Variants in SELENOF observed in about 807,000 individuals in gnomAD.
The protein encoded by SELENOF is 15 kDa selenoprotein.
SELENOF carries 16 observed loss-of-function variants against 20.5 expected under a neutral mutation model. The observed-to-expected ratio is 0.78, with a 90% confidence interval of 0.53 to 1.19. SELENOF has a LOEUF of 1.19. Among genes scored for constraint, SELENOF ranks in the 50% most tolerant of loss-of-function variants. SELENOF has a pLI of 0.00. For synonymous variants in SELENOF, 78 were observed against 74.5 expected (o/e 1.05, Z -0.24); for missense variants, 215 against 194.2 (o/e 1.11, Z -0.64).
chr1:86,869,087 TAA>T (rs1443957219), intron 3 of SELENOF, among the ~76,000 whole-genome samples: 1 of 152,134 alleles, frequency 6.6e-6, no homozygotes, highest in Admixed American at 6.5e-5. Context: ...CAAAGAATAC[TAA>T]AGGTTAGAGA....
intron 3 of SELENOF, 119 bp downstream of exon 3, chr1:86,880,543 T>C (rs1414756397): frequency 3.6e-6 from 2 of 551,172 alleles, no homozygotes; most frequent in African/African-American, 2.0e-5. Flanking sequence ...AAAAAGCATA[T>C]ATTGTTAAGA....
At chr1:86,913,918 G>A (rs2102141928) in intron 1 of SELENOF, 110 bp downstream of exon 1, 5 of 1,007,278 alleles carry the variant, frequency 5.0e-6, no homozygotes, top group Non-Finnish European at 6.2e-6. Flanking sequence ...CAGTCATTAA[G>A]GAAGCGCAGT....
intron 4 of SELENOF, among the ~76,000 whole-genome samples, chr1:86,867,499 A>ACAG (rs1658633181): frequency 6.6e-6 from 1 of 151,166 alleles, no homozygotes; most frequent in African/African-American, 2.4e-5. Context: ...CTCAACAACA[A>ACAG]CAACAACAAC....
chr1:86,873,327 C>T (rs1306919708), intron 3 of SELENOF, among the ~76,000 whole-genome samples: 1 of 148,956 alleles, frequency 6.7e-6, no homozygotes, highest in East Asian at 1.9e-4. Context: ...TTTACTCACT[C>T]TTGATTTCTG....
chr1:86,879,481 GATCA>G (rs1365008449), intron 3 of SELENOF, among the ~76,000 whole-genome samples: 1 of 152,076 alleles, frequency 6.6e-6, no homozygotes, highest in Non-Finnish European at 1.5e-5. Flanking sequence ...TGTGCCAAAT[GATCA>G]ATATTTTATT....
chr1:86,877,658 GTAC>G (rs1348554460), intron 3 of SELENOF, among the ~76,000 whole-genome samples: 10 of 152,034 alleles, frequency 6.6e-5, no homozygotes, highest in Non-Finnish European at 1.3e-4. Flanking sequence ...TGCTCAATTT[GTAC>G]TACATTATTT....
rs377513226 is a variant in SELENOF at position 86,914,090 on chromosome 1, G to A, written c.22C>T (p.Pro8Ser). Residue 8 changes from proline to serine, a missense_variant, in exon 1 of 5, where the codon CCG becomes TCG. Coordinates refer to ENST00000331835, the MANE Select transcript of SELENOF (RefSeq NM_004261.5). ...AACGCCGGCACCAGACACCCACTCGGCCCAGCCGCCATCGCTACCATTTTC... is the reference window on the plus strand; with the variant it reads ...AACGCCGGCACCAGACACCCACTCGACCCAGCCGCCATCGCTACCATTTTC... MVAMAAG[P>S]SGCLVPAFGL... 187 of 1,613,900 alleles carry A rather than the reference G, an allele frequency of 1.2e-4. 1 individual carries two copies. The highest frequency in any genetic ancestry group is 1.2e-3 in the South Asian group (105 of 91,072).
chr1:86,890,603 T>C (rs1231971341), intron 2 of SELENOF, among the ~76,000 whole-genome samples: 1 of 151,752 alleles, frequency 6.6e-6, no homozygotes, highest in African/African-American at 2.4e-5. Context: ...GATCCTCCGG[T>C]AGCCTCAGCC....
rs184947377 is a variant in SELENOF at position 86,911,879 on chromosome 1, G to A, written c.84+2149C>T. 2.0e-5 allele frequency among the ~76,000 whole-genome samples: 3 copies of A among 151,926 alleles called. No individual in the cohort carries two copies. The South Asian group carries it at 6.2e-4, about 32-fold the overall frequency. On this transcript the variant is annotated intron_variant, in intron 1 of 4. Transcript: ENST00000331835. The stretch of plus-strand genomic sequence containing the variant: ...GCTCAGTGCAACCTCCGCCTCCTGG[G>A]TTCAAGTGATTCTCCTGCCTCAGCC...
chr1:86,881,095 T>C (rs1210499837), intron 2 of SELENOF, among the ~76,000 whole-genome samples: 5 of 152,216 alleles, frequency 3.3e-5, no homozygotes, highest in African/African-American at 1.2e-4. Context: ...TATAGGTATA[T>C]ATCATCTATC....
intron 2 of SELENOF, among the ~76,000 whole-genome samples, chr1:86,889,375 C>T (rs1342985097): frequency 1.3e-5 from 2 of 152,102 alleles, no homozygotes; most frequent in Non-Finnish European, 2.9e-5. Context: ...CTGGGTGGAT[C>T]ATGAGGTCAG....
chr1:86,900,557 C>A (rs907758633), intron 2 of SELENOF, among the ~76,000 whole-genome samples: 102 of 151,866 alleles, frequency 6.7e-4, no homozygotes, highest in African/African-American at 2.3e-3. Flanking sequence ...AGCTTCGGCT[C>A]GGCATCAGAG....
intron 3 of SELENOF, among the ~76,000 whole-genome samples, chr1:86,869,642 A>AT (rs1346880046): frequency 3.3e-5 from 5 of 152,254 alleles, no homozygotes; most frequent in African/African-American, 1.2e-4. Flanking sequence ...TACTTTACCA[A>AT]TTTTCAATAA....
intron 1 of SELENOF, among the ~76,000 whole-genome samples, chr1:86,907,564 C>G (rs1659862361): frequency 6.6e-6 from 1 of 152,186 alleles, no homozygotes; most frequent in East Asian, 1.9e-4. Context: ...TAAATTTGCA[C>G]ATTAAGATCA....
At position 86,868,103 on chromosome 1, in the gene SELENOF, C is replaced by T. The variant is rs1658661314; in HGVS notation, c.317-1G>A. 1 of 1,481,192 alleles carries T rather than the reference C, an allele frequency of 6.8e-7. No homozygotes were observed. 91.8% of individuals were successfully genotyped at this position (1,481,192 alleles called of 1,614,324 possible). On this transcript the variant is annotated splice_acceptor_variant, in intron 3 of 4. Coordinates refer to ENST00000331835, the MANE Select transcript of SELENOF (RefSeq NM_004261.5). LOFTEE classifies it high-confidence loss of function. ...TTGGGTTTATCACTCCTAACAAAAG[C>T]TTATAAAAAAAGAAAAAAAGATTCA... is the stretch of plus-strand genomic sequence containing the variant.
upstream of SELENOF, chr1:86,914,468 G>T: frequency 3.0e-6 from 1 of 335,370 alleles, no homozygotes; most frequent in Middle Eastern, 1.0e-3. Flanking sequence ...CTCTGTGGCA[G>T]AGGAAACCAA....
intron 3 of SELENOF, among the ~76,000 whole-genome samples, chr1:86,871,646 T>C (rs1658772020): frequency 6.6e-6 from 1 of 152,228 alleles, no homozygotes; most frequent in African/African-American, 2.4e-5. Flanking sequence ...TTTTGGCCTC[T>C]ATTTTATTAC....
At chr1:86,866,195 CAAAAAAAAAAAAAA>C (rs762072945) in intron 4 of SELENOF, among the ~76,000 whole-genome samples, 1 of 27,648 alleles carries the variant, frequency 3.6e-5, no homozygotes, top group Non-Finnish European at 7.6e-5. Flanking sequence ...AGACCATGTC[CAAAAAAAAAAAAAA>C]AAAAAAAAAA....
At chr1:86,907,604 C>A (rs1213621837) in intron 1 of SELENOF, among the ~76,000 whole-genome samples, 1 of 152,192 alleles carries the variant, frequency 6.6e-6, no homozygotes, top group Non-Finnish European at 1.5e-5. Context: ...ATTAGCCACA[C>A]TTGTAAGAAA....
Sources: allele counts gnomAD v4.1 joint callset (sites outside exome capture counted in the v4.1 genomes callset), GRCh38; gene constraint gnomAD v4.1.1; transcripts MANE v1.5; gene names NCBI Gene and HGNC (gene_info 2026-07-23, HGNC 2026-07-21).